COL24A1: variants seen among roughly 807,000 people sequenced by gnomAD.
COL24A1 encodes the protein collagen type XXIV alpha 1 chain, also known as collagen alpha-1(XXIV) chain.
Under a neutral mutation model 253.9 loss-of-function variants are expected in COL24A1, and 224 were observed. The observed-to-expected ratio is 0.88, with a 90% confidence interval of 0.79 to 0.99. The LOEUF (loss-of-function observed/expected upper bound fraction) is 0.99. COL24A1 is among the 50% of genes least tolerant of loss of function. COL24A1 has a pLI of 0.00. For synonymous variants in COL24A1, 685 were observed against 673.7 expected (o/e 1.02, Z -0.26); for missense variants, 2,131 against 2,068.5 (o/e 1.03, Z -0.59).
At chr1:85,886,944 A>C (rs535447139) in intron 32 of COL24A1, among the ~76,000 whole-genome samples, 9 of 152,078 alleles carry the variant, frequency 5.9e-5, no homozygotes, top group Non-Finnish European at 1.3e-4. Context: ...GAGTACTCTT[A>C]TCTTTTGTTT....
chr1:85,901,611 G>A (rs1391347108), intron 28 of COL24A1, among the ~76,000 whole-genome samples: 2 of 151,896 alleles, frequency 1.3e-5, no homozygotes, highest in African/African-American at 4.8e-5. Flanking sequence ...AGGAGTTTGA[G>A]ACCAGCCTGG....
In COL24A1 at chr1:85,868,829, G is replaced by A. The variant is rs920324835; in HGVS notation, c.3145C>T (p.Pro1049Ser). The change falls in exon 36 of 60, where the codon CCA becomes TCA. Residue 1049 changes from proline (P) to serine (S), a missense_variant. Transcript: ENST00000370571. ...GTGEPGLRGE[P>S]GAPGEEGLQG... is the part of the protein sequence containing the mutation. ...AGACCTTCTTCTCCAGGAGCTCCTG[G>A]TTCACCCTATTTTGTAGCAGAAAGA... 1.3e-6 allele frequency: 2 copies of A among 1,587,080 alleles called. No individual in the cohort carries two copies. The highest frequency in any genetic ancestry group is 1.7e-6 in the Non-Finnish European group (2 of 1,168,136).
chr1:85,776,365 A>AT (rs1668542790), intron 52 of COL24A1, among the ~76,000 whole-genome samples: 1 of 151,962 alleles, frequency 6.6e-6, no homozygotes. Context: ...AACATCTTCT[A>AT]TTTTGGTGAA....
chr1:85,799,215 G>A (rs378382), intron 47 of COL24A1, among the ~76,000 whole-genome samples: 188 of 11,358 alleles, frequency 0.017, 1 homozygote, highest in Non-Finnish European at 0.065. Context: ...CCACATAAAA[G>A]AAAGAAAGAA....
At chr1:85,744,949 AG>A in intron 56 of COL24A1, 115 bp from the exon 57 acceptor site, 1 of 737,714 alleles carries the variant, frequency 1.4e-6, no homozygotes, top group East Asian at 2.6e-5. Flanking sequence ...TAGAATGTAA[AG>A]AACAGTTTAT....
Position 85,868,542 on chromosome 1 carries a change from T to C in COL24A1, c.3277A>G (p.Arg1093Gly). The change falls in exon 37 of 60, where the codon AGA becomes GGA. Residue 1093 changes from arginine to glycine, a missense_variant. Arg to Gly is a moderately radical substitution (Grantham distance 125). Coordinates refer to ENST00000370571, the MANE Select transcript of COL24A1 (RefSeq NM_152890.7). ...GLPGIIGPLGRSGQTGLPGPE... is the reference protein window; with the variant it reads ...GLPGIIGPLGGSGQTGLPGPE... ...ACCGGAAGGCCTGTTTGGCCTGATC[T>C]ACCCAAGGGTCCTATAATTCCTGGT... 1 of 1,613,798 alleles carries C rather than the reference T, an allele frequency of 6.2e-7. No homozygotes were observed. The highest frequency in any genetic ancestry group is 8.5e-7 in the Non-Finnish European group (1 of 1,179,768).
intron 20 of COL24A1, among the ~76,000 whole-genome samples, chr1:85,987,087 G>A (rs190328148): frequency 3.6e-4 from 55 of 151,898 alleles, no homozygotes; most frequent in African/African-American, 9.4e-4. Flanking sequence ...AAGCATTGCC[G>A]AAATAATAAA....
At position 85,737,634 on chromosome 1, in the gene COL24A1, G is replaced by T. The variant is rs889005510; in HGVS notation, c.4673-129C>A. On this transcript the variant is annotated intron_variant, in intron 57 of 59. Coordinates refer to ENST00000370571, the MANE Select transcript of COL24A1 (RefSeq NM_152890.7). ...GCTGGAGTGCAGCGGTGCGATCTTG[G>T]CTCACTGTAACCTCCGCTTCCTGGG... 62 of 579,156 alleles carry T rather than the reference G, an allele frequency of 1.1e-4. No individual in the cohort carries two copies. The Middle Eastern group carries it at 1.4e-3, about 13-fold the overall frequency. 35.9% of individuals were successfully genotyped at this position (579,156 alleles called of 1,614,324 possible).
intron 19 of COL24A1, among the ~76,000 whole-genome samples, chr1:85,993,378 G>A (rs971541491): frequency 6.6e-6 from 1 of 151,134 alleles, no homozygotes; most frequent in Admixed American, 6.6e-5. Context: ...TCCATAAAAC[G>A]AACAGCCTAG....
At chr1:86,117,000 TA>T (rs2102199043) in intron 3 of COL24A1, among the ~76,000 whole-genome samples, 1 of 152,266 alleles carries the variant, frequency 6.6e-6, no homozygotes, top group Admixed American at 6.5e-5. Context: ...TTGTTATAAT[TA>T]AAAATTTAGC....
Position 85,730,469 on chromosome 1 carries a change from T to C in COL24A1, c.*77A>G, listed in dbSNP as rs1197779680. 1 of 1,462,246 alleles carries C rather than the reference T, an allele frequency of 6.8e-7. No individual in the cohort carries two copies. The highest frequency in any genetic ancestry group is 1.8e-5 in the Admixed American group (1 of 55,244). 90.6% of individuals were successfully genotyped at this position (1,462,246 alleles called of 1,614,324 possible). A position where few individuals can be genotyped will look rare whatever the true frequency, so the allele number is the denominator to read the frequency against. On this transcript the variant is annotated 3_prime_UTR_variant, in exon 60 of 60. Transcript: ENST00000370571. Reference sequence around the variant, plus strand: ...TTTATTACATGCATTTCATAATGACTGTATCTGTCTGTCTTATTTCTCCCT... The same window carrying C: ...TTTATTACATGCATTTCATAATGACCGTATCTGTCTGTCTTATTTCTCCCT...
At chr1:86,020,561 T>C (rs1697435546) in intron 18 of COL24A1, among the ~76,000 whole-genome samples, 1 of 152,172 alleles carries the variant, frequency 6.6e-6, no homozygotes, top group Non-Finnish European at 1.5e-5. Flanking sequence ...TGGTTTGCCT[T>C]GTGTAAGCAC....
intron 47 of COL24A1, among the ~76,000 whole-genome samples, chr1:85,805,001 C>A (rs1282035346): frequency 6.6e-6 from 1 of 152,132 alleles, no homozygotes; most frequent in Admixed American, 6.5e-5. Context: ...CTACAACACC[C>A]AGACAATTTT....
intron 48 of COL24A1, among the ~76,000 whole-genome samples, chr1:85,785,463 A>C (rs2101607820): frequency 6.6e-6 from 1 of 152,340 alleles, no homozygotes; most frequent in East Asian, 1.9e-4. Flanking sequence ...CACTGTCTTG[A>C]GACAAAGCTA....
intron 35 of COL24A1, 23 bp from the exon 36 acceptor site, chr1:85,868,858 T>A: frequency 6.5e-7 from 1 of 1,543,500 alleles, no homozygotes; most frequent in Middle Eastern, 2.3e-4. Flanking sequence ...AGAAAGAGTA[T>A]GATTGAGTTT....
intron 20 of COL24A1, among the ~76,000 whole-genome samples, chr1:85,973,487 G>T (rs1692372334): frequency 6.6e-6 from 1 of 152,214 alleles, no homozygotes; most frequent in East Asian, 1.9e-4. Flanking sequence ...AAATAATTTT[G>T]TATTGAGTTA....
chr1:85,924,666 T>C (rs1389526440), intron 24 of COL24A1, among the ~76,000 whole-genome samples: 1 of 152,190 alleles, frequency 6.6e-6, no homozygotes, highest in Non-Finnish European at 1.5e-5. Flanking sequence ...TGATGGAACA[T>C]ATCTCAAAAT....
rs555555765 is a variant in COL24A1 at position 86,104,223 on chromosome 1, T to A, written c.1599+8344A>T. ...TTCTTATGTGTTTTTTTCAGCTCTA[T>A]GAGATCAGTTACATTCTTTTCTATA... On this transcript the variant is annotated intron_variant, in intron 5 of 59. Coordinates refer to ENST00000370571, the MANE Select transcript of COL24A1 (RefSeq NM_152890.7). Among the ~76,000 whole-genome samples the A allele has an allele frequency of 8.7e-4, 132 of 152,158 alleles. 1 individual carries two copies. The highest frequency in any genetic ancestry group is 6.3e-4 in the Non-Finnish European group (43 of 68,024).
At chr1:86,127,434 T>A (rs573421384) in intron 2 of COL24A1, among the ~76,000 whole-genome samples, 65 of 152,082 alleles carry the variant, frequency 4.3e-4, no homozygotes, top group Non-Finnish European at 7.8e-4. Flanking sequence ...TTGCAAATAG[T>A]TCTATAATTT....
Sources: gnomAD v4.1 joint callset for allele counts (sites outside exome capture counted in the v4.1 genomes callset) on GRCh38, gnomAD v4.1.1 for gene constraint, MANE v1.5 for transcripts, NCBI Gene and HGNC (gene_info 2026-07-23, HGNC 2026-07-21) for gene names.